NCAM2: variants seen among roughly 807,000 people sequenced by gnomAD.
NCAM2 encodes neural cell adhesion molecule 2.
A neutral mutation model predicts 98.1 loss-of-function variants in NCAM2; 30 were observed. That is an observed-to-expected ratio of 0.31 (90% CI 0.23 to 0.41). The LOEUF is 0.41. NCAM2 is among the 10% of genes least tolerant of loss of function. The pLI is 1.00. For synonymous variants in NCAM2, 368 were observed against 342.4 expected (o/e 1.07, Z -0.83); for missense variants, 867 against 1,005.8 (o/e 0.86, Z 1.87).
At chr21:21,519,567 T>C (rs1483587110) in intron 16 of NCAM2, among the ~76,000 whole-genome samples, 1 of 66,384 alleles carries the variant, frequency 1.5e-5, no homozygotes. Flanking sequence ...ATAACCCTGT[T>C]ATTTGTTAAT....
At chr21:21,227,320 GA>G (rs1343096355) in intron 1 of NCAM2, among the ~76,000 whole-genome samples, 11 of 151,654 alleles carry the variant, frequency 7.3e-5, no homozygotes, top group African/African-American at 2.7e-4. Flanking sequence ...TTCATACAAA[GA>G]AAAGGTAGTT....
chr21:21,532,749 A>T (rs538156207), intron 16 of NCAM2, among the ~76,000 whole-genome samples: 1 of 152,240 alleles, frequency 6.6e-6, no homozygotes, highest in South Asian at 2.1e-4. Flanking sequence ...AGAATTTTTT[A>T]AAAGAATCAA....
At chr21:21,169,321 G>A (rs1251766764) in intron 1 of NCAM2, among the ~76,000 whole-genome samples, 1 of 152,012 alleles carries the variant, frequency 6.6e-6, no homozygotes. Flanking sequence ...CATATAAAAT[G>A]TAAATCTATA....
chr21:21,238,278 A>G (rs1175723733), intron 1 of NCAM2, among the ~76,000 whole-genome samples: 1 of 152,146 alleles, frequency 6.6e-6, no homozygotes, highest in African/African-American at 2.4e-5. Flanking sequence ...ACTGATTTTA[A>G]TTTGCCTTAA....
At chr21:21,251,452 A>G (rs769874667) in intron 1 of NCAM2, among the ~76,000 whole-genome samples, 6 of 151,918 alleles carry the variant, frequency 3.9e-5, no homozygotes, top group Non-Finnish European at 8.8e-5. Flanking sequence ...CATGGCTTCC[A>G]GCTTCATCCA....
intron 12 of NCAM2, among the ~76,000 whole-genome samples, chr21:21,450,811 C>CGTATGT (rs1569076867): frequency 3.3e-5 from 5 of 151,172 alleles, no homozygotes; most frequent in Admixed American, 6.6e-5. Flanking sequence ...CACACACACA[C>CGTATGT]ACACACACAC....
intron 12 of NCAM2, among the ~76,000 whole-genome samples, chr21:21,457,604 C>T (rs186587258): frequency 2.5e-4 from 38 of 151,486 alleles, no homozygotes; most frequent in African/African-American, 9.2e-4. Context: ...CATGCCATTA[C>T]ACACCAGCCT....
intron 5 of NCAM2, among the ~76,000 whole-genome samples, chr21:21,321,306 A>T (rs1223172521): frequency 6.6e-6 from 1 of 152,050 alleles, no homozygotes; most frequent in Non-Finnish European, 1.5e-5. Context: ...TAGATTCCGG[A>T]TATTCAACCT....
chr21:21,122,739 T>G (rs1048323177), intron 1 of NCAM2, among the ~76,000 whole-genome samples: 1 of 152,304 alleles, frequency 6.6e-6, no homozygotes, highest in Non-Finnish European at 1.5e-5. Context: ...AAAGAGTTTT[T>G]GGAAGCATGC....
chr21:21,254,416 A>G (rs1003371913), intron 1 of NCAM2, among the ~76,000 whole-genome samples: 2 of 152,218 alleles, frequency 1.3e-5, no homozygotes, highest in African/African-American at 4.8e-5. Context: ...AATTGCCTGC[A>G]ATAGAAGATG....
chr21:21,177,472 G>T (rs1438839087), intron 1 of NCAM2, among the ~76,000 whole-genome samples: 4 of 151,920 alleles, frequency 2.6e-5, no homozygotes. Context: ...ATTACCAAAT[G>T]CACCTGAAAT....
At chr21:21,531,300 TA>T (rs997363029) in intron 16 of NCAM2, among the ~76,000 whole-genome samples, 10 of 152,204 alleles carry the variant, frequency 6.6e-5, no homozygotes, top group African/African-American at 2.4e-4. Flanking sequence ...TTTTCATTTT[TA>T]AAAAATTTCT....
chr21:21,155,868 A>C (rs1459371887), intron 1 of NCAM2, among the ~76,000 whole-genome samples: 2 of 152,014 alleles, frequency 1.3e-5, no homozygotes, highest in Non-Finnish European at 2.9e-5. Flanking sequence ...GTGAAGATGC[A>C]GAAAATACTA....
chr21:21,104,400 A>AT (rs914519953), intron 1 of NCAM2, among the ~76,000 whole-genome samples: 68 of 152,066 alleles, frequency 4.5e-4, no homozygotes, highest in Non-Finnish European at 7.9e-4. Context: ...TCTAGTACCT[A>AT]TTTTTTTTCT....
Position 21,324,378 on chromosome 21 carries a change from T to G in NCAM2, c.620-5T>G, listed in dbSNP as rs537633433. On this transcript the variant is annotated splice_region_variant and splice_polypyrimidine_tract_variant and intron_variant, in intron 5 of 17. Transcript: ENST00000400546. ...CTATTTATTCTGTATTCATCTCTCC[T>G]TCAGTGCCGCCAGCAATCTCAATGC... is the stretch of plus-strand genomic sequence containing the variant. 6.2e-7 allele frequency: 1 copy of G among 1,608,046 alleles called. No homozygotes were observed. Among genetic ancestry groups the G allele is most frequent in the Non-Finnish European group, 8.5e-7 (1 of 1,174,828 alleles).
At chr21:21,012,017 G>A (rs1445917213) in intron 1 of NCAM2, among the ~76,000 whole-genome samples, 1 of 152,066 alleles carries the variant, frequency 6.6e-6, no homozygotes, top group African/African-American at 2.4e-5. Flanking sequence ...TTCGTGCATT[G>A]TTTTGGGGAA....
intron 11 of NCAM2, among the ~76,000 whole-genome samples, chr21:21,422,650 G>A (rs922545190): frequency 1.3e-5 from 2 of 151,808 alleles, no homozygotes; most frequent in African/African-American, 4.8e-5. Flanking sequence ...ACAGAAATAT[G>A]AAATATTTCA....
intron 10 of NCAM2, among the ~76,000 whole-genome samples, chr21:21,411,334 T>G (rs1428186652): frequency 3.3e-5 from 5 of 150,146 alleles, no homozygotes; most frequent in Non-Finnish European, 4.4e-5. Flanking sequence ...TGGTATAGCT[T>G]TTTTTTCTTT....
At chr21:21,324,621 A>T in intron 6 of NCAM2, 121 bp downstream of exon 6, 1 of 726,018 alleles carries the variant, frequency 1.4e-6, no homozygotes, top group East Asian at 2.5e-5. Context: ...ATTAAAAAAA[A>T]ATCCTGGTGC....
Sources: gnomAD v4.1 joint callset for allele counts (sites outside exome capture counted in the v4.1 genomes callset) on GRCh38, gnomAD v4.1.1 for gene constraint, MANE v1.5 for transcripts, NCBI Gene and HGNC (gene_info 2026-07-23, HGNC 2026-07-21) for gene names.